Variants in FGF13 observed in about 807,000 individuals in gnomAD.
FGF13 encodes fibroblast growth factor homologous factor 2.
FGF13 carries 2 observed loss-of-function variants against 19.5 expected under a neutral mutation model. The ratio of observed to expected loss-of-function variants is 0.10; its 90% CI spans 0.04 to 0.32. FGF13 has a LOEUF of 0.32. Among genes scored for constraint, FGF13 ranks in the 10% least tolerant of loss-of-function variants. FGF13 has a pLI of 1.00. For missense variants in FGF13, 113 were observed against 192.7 expected, an observed-to-expected ratio of 0.59 and a Z score of 2.45; for synonymous variants, 72 against 76.9, an observed-to-expected ratio of 0.94 and a Z score of 0.33.
intron 1 of FGF13, among the ~76,000 whole-genome samples, chrX:139,003,469 G>T (rs1054491882): frequency 1.8e-5 from 2 of 111,726 alleles, no homozygotes; most frequent in African/African-American, 6.5e-5. Flanking sequence ...ATGCTGGCTC[G>T]GGCAGCCTGC....
At chrX:138,717,399 A>G (rs2090115836) in intron 1 of FGF13, among the ~76,000 whole-genome samples, 1 of 111,833 alleles carries the variant, frequency 8.9e-6, no homozygotes, top group South Asian at 3.8e-4. Flanking sequence ...TTTTATGAAT[A>G]CAACAAAAAC....
At chrX:139,100,622 G>T (rs7888266) in intron 1 of FGF13, among the ~76,000 whole-genome samples, 14,420 of 110,930 alleles carry the variant, frequency 0.13, 745 homozygotes, top group South Asian at 0.2. Context: ...GATAAAAAGC[G>T]TTTTTCCTTT....
chrX:138,756,551 G>A (rs755874848), intron 3 of FGF13, among the ~76,000 whole-genome samples: 13 of 112,639 alleles, frequency 1.2e-4, no homozygotes, highest in African/African-American at 3.9e-4. Flanking sequence ...GCTAAGCAAC[G>A]GGCCCAAATA....
At chrX:139,113,091 G>A (rs2083615830) in intron 1 of FGF13, among the ~76,000 whole-genome samples, 1 of 108,034 alleles carries the variant, frequency 9.3e-6, no homozygotes, top group Non-Finnish European at 1.9e-5. Context: ...AAGACACTAA[G>A]TCATGAAAAC....
At chrX:138,837,365 CA>C (rs1293262408) in intron 3 of FGF13, among the ~76,000 whole-genome samples, 1 of 111,399 alleles carries the variant, frequency 9.0e-6, no homozygotes, top group Non-Finnish European at 1.9e-5. Flanking sequence ...CAGAGAACAC[CA>C]TTAGGGGTAG....
intron 3 of FGF13, among the ~76,000 whole-genome samples, chrX:138,666,548 C>T (rs72616246): frequency 0.084 from 9,340 of 110,934 alleles, 345 homozygotes; most frequent in Middle Eastern, 0.12. Context: ...CCAATGTTGT[C>T]AATTATTTAT....
chrX:139,111,933 C>A (rs2083605721), intron 1 of FGF13, among the ~76,000 whole-genome samples: 1 of 111,947 alleles, frequency 8.9e-6, no homozygotes, highest in Non-Finnish European at 1.9e-5. Flanking sequence ...CCAGCCTGGG[C>A]TGTTTCTATG....
At chrX:139,071,165 AT>A (rs2092375537) in intron 1 of FGF13, among the ~76,000 whole-genome samples, 1 of 111,974 alleles carries the variant, frequency 8.9e-6, no homozygotes, top group African/African-American at 3.2e-5. Context: ...GAGAATCTTT[AT>A]CTTTAAACCA....
intron 1 of FGF13, among the ~76,000 whole-genome samples, chrX:139,201,616 T>A (rs1203261054): frequency 1.8e-5 from 2 of 112,148 alleles, no homozygotes; most frequent in African/African-American, 6.5e-5. Flanking sequence ...CTTAAAAAAA[T>A]TAAAGATGAC....
At chrX:139,061,777 G>A (rs1192990181) in intron 1 of FGF13, among the ~76,000 whole-genome samples, 1 of 110,251 alleles carries the variant, frequency 9.1e-6, no homozygotes, top group Non-Finnish European at 1.9e-5. Flanking sequence ...GTATGAAGTG[G>A]TATCTTATTG....
intron 1 of FGF13, among the ~76,000 whole-genome samples, chrX:139,057,207 C>A (rs958793923): frequency 1.8e-5 from 2 of 111,011 alleles, no homozygotes; most frequent in East Asian, 5.6e-4. Flanking sequence ...AAATACTTGT[C>A]GCTCCAATTA....
intron 1 of FGF13, among the ~76,000 whole-genome samples, chrX:138,951,051 C>T (rs1351624509): frequency 9.0e-6 from 1 of 111,647 alleles, no homozygotes; most frequent in African/African-American, 3.3e-5. Context: ...GATCCTGTGA[C>T]ATAAGTTGGT....
chrX:138,992,847 TAATAA>T (rs2092023262), intron 1 of FGF13, among the ~76,000 whole-genome samples: 2 of 111,416 alleles, frequency 1.8e-5, no homozygotes, highest in Non-Finnish European at 3.8e-5. Context: ...AAGTATTTCC[TAATAA>T]AATACTAATT....
chrX:138,701,445 A>C (rs1272055144), intron 3 of FGF13, among the ~76,000 whole-genome samples: 1 of 112,329 alleles, frequency 8.9e-6, no homozygotes, highest in African/African-American at 3.2e-5. Flanking sequence ...TATCTTTTAT[A>C]GTAGCACTCT....
upstream of FGF13, among the ~76,000 whole-genome samples, chrX:138,715,551 GA>G (rs1400769680): frequency 8.9e-6 from 1 of 112,311 alleles, no homozygotes; most frequent in Non-Finnish European, 1.9e-5. Context: ...AAATAAAAAT[GA>G]AAAGATTCTG....
chrX:138,801,992 G>T (rs929078714), intron 3 of FGF13, among the ~76,000 whole-genome samples: 1 of 112,444 alleles, frequency 8.9e-6, no homozygotes, highest in African/African-American at 3.2e-5. Context: ...GGAATTTCAA[G>T]CCAGTGGTTC....
intron 1 of FGF13, among the ~76,000 whole-genome samples, chrX:138,991,761 A>G (rs2092016458): frequency 8.9e-6 from 1 of 112,098 alleles, no homozygotes; most frequent in African/African-American, 3.2e-5. Flanking sequence ...ATCTTATGTA[A>G]TATAACTTAC....
intron 3 of FGF13, among the ~76,000 whole-genome samples, chrX:138,670,599 T>A (rs1302445496): frequency 8.9e-6 from 1 of 111,798 alleles, no homozygotes; most frequent in African/African-American, 3.2e-5. Context: ...AGTTATCTCA[T>A]TTACATACAA....
At position 139,141,700 on chromosome X, in the gene FGF13, C is replaced by G. The variant is rs142815838; in HGVS notation, c.-113+61716G>C. ...CCTGGAAAAGTCCGTCAGGTTTGTA[C>G]ATCTCCTTTGCAGTTTCTTCCTACT... On this transcript the variant is annotated intron_variant, in intron 1 of 2. Transcript: ENST00000421460. Among the ~76,000 whole-genome samples the G allele has an allele frequency of 4.4e-5, 5 of 112,633 alleles. No individual in the cohort carries two copies. In the East Asian group the frequency reaches 1.4e-3, roughly 31 times the overall value.
Sources: gnomAD v4.1 joint callset for allele counts (sites outside exome capture counted in the v4.1 genomes callset) on GRCh38, gnomAD v4.1.1 for gene constraint, MANE v1.5 for transcripts, NCBI Gene and HGNC (gene_info 2026-07-23, HGNC 2026-07-21) for gene names.